The following ZNF707 variants were observed in gnomAD, a reference collection of about 807,000 sequenced individuals.
ZNF707 encodes the protein zinc finger protein 707.
ZNF707 carries 8 observed loss-of-function variants against 13.3 expected under a neutral mutation model. The ratio of observed to expected loss-of-function variants is 0.60; its 90% confidence interval spans 0.35 to 1.09. The LOEUF (loss-of-function observed/expected upper bound fraction) is 1.09. ZNF707 is among the 50% of genes least tolerant of loss of function. The pLI is 0.02. For synonymous variants in ZNF707, 225 were observed against 205.6 expected (o/e 1.09, Z -0.81); for missense variants, 530 against 512.6 (o/e 1.03, Z -0.33).
chr8:143,686,820 T>C (rs1368323204), intron 1 of ZNF707: 1 of 145,976 alleles, frequency 6.9e-6, no homozygotes, highest in South Asian at 2.2e-4. Context: ...TTTTTTTTTT[T>C]CTTAACTGCC....
rs1816059795 is a variant in ZNF707 at position 143,684,486 on chromosome 8, T to G, written c.-207T>G. On this transcript the variant is annotated 5_prime_UTR_variant, in exon 1 of 6. Coordinates refer to ENST00000358656, the MANE Select transcript of ZNF707 (RefSeq NM_001100598.2). ...CTTCCGCTCGGGAAGTTTGTAAAAG[T>G]CTGGGCTACCGGCGCGGCGTAGTGG... The G allele has an allele frequency of 6.6e-6, 1 of 151,878 alleles. No homozygotes were observed. Among genetic ancestry groups the G allele is most frequent in the Admixed American group, 6.6e-5 (1 of 15,250 alleles). The allele number at this position is 151,878 out of a possible 1,614,324, so 9.4% of individuals were successfully genotyped here. A position where few individuals can be genotyped will look rare whatever the true frequency, so the allele number is the denominator to read the frequency against.
chr8:143,692,326 C>G, intron 5 of ZNF707: 1 of 1,289,688 alleles, frequency 7.8e-7, no homozygotes, highest in South Asian at 1.2e-5. Context: ...GTGTCAGGTT[C>G]CTAGGTGTGT....
chr8:143,690,787 ACGCGTGTGC>A, intron 3 of ZNF707: 1 of 469,448 alleles, frequency 2.1e-6, no homozygotes, highest in South Asian at 3.5e-5. Flanking sequence ...TGCTGTGTTC[ACGCGTGTGC>A]GGGGAGGGAG....
chr8:143,691,802 G>A, intron 5 of ZNF707, 89 bp downstream of exon 5: 2 of 1,206,820 alleles, frequency 1.7e-6, no homozygotes, highest in Non-Finnish European at 2.3e-6. Flanking sequence ...GTGACCAAGG[G>A]TGTGTCCTTC....
intron 5 of ZNF707, chr8:143,691,918 G>T: frequency 8.7e-7 from 1 of 1,155,686 alleles, no homozygotes; most frequent in Non-Finnish European, 1.2e-6. Flanking sequence ...GGTGGGGCTC[G>T]AAAGGCATAG....
rs782592440 is a variant in ZNF707 at position 143,693,859 on chromosome 8, C to T, written c.445C>T (p.Pro149Ser). 1.2e-6 allele frequency: 2 copies of T among 1,610,410 alleles called. No homozygotes were observed. The highest frequency in any genetic ancestry group is 8.5e-7 in the Non-Finnish European group (1 of 1,178,598). ...GACAGACGCCAAGCCCACGGCTTTC[C>T]CGTGTCAGGTGCTCACGCAGCGTTG... ...ERTDAKPTAFPCQVLTQRCGR... is the reference protein window; with the variant it reads ...ERTDAKPTAFSCQVLTQRCGR... The change falls in exon 6 of 6, where the codon CCG becomes TCG. Residue 149 changes from proline to serine, a missense_variant. Coordinates refer to ENST00000358656, the MANE Select transcript of ZNF707 (RefSeq NM_001100598.2). The surrounding 1 kb of genome is among the most constrained non-coding windows in gnomAD (Gnocchi z 4.1).
intron 1 of ZNF707, among the ~76,000 whole-genome samples, chr8:143,685,665 C>T (rs560084734): frequency 2.6e-4 from 39 of 152,138 alleles, no homozygotes; most frequent in African/African-American, 8.9e-4. Flanking sequence ...CATAGTGAGA[C>T]CCCGTTTCTG....
chr8:143,687,916 G>A (rs1313408014), intron 1 of ZNF707: 1 of 151,574 alleles, frequency 6.6e-6, no homozygotes, highest in Non-Finnish European at 1.5e-5. Flanking sequence ...TGAGATAATA[G>A]CTGTTATATG....
At chr8:143,690,808 C>CG (rs756479012) in intron 3 of ZNF707, 25 of 502,848 alleles carry the variant, frequency 5.0e-5, no homozygotes, top group Non-Finnish European at 7.0e-5. Context: ...GGGAGGGAGC[C>CG]GGGGGGCTCT....
chr8:143,691,880 G>A (rs936478653), intron 5 of ZNF707, 167 bp downstream of exon 5: 5 of 959,260 alleles, frequency 5.2e-6, no homozygotes, highest in African/African-American at 1.6e-5. Flanking sequence ...GGGCAGCCAC[G>A]CTCCTGCCCT....
Position 143,694,305 on chromosome 8 carries a change from C to A in ZNF707, c.891C>A (p.Phe297Leu), listed in dbSNP as rs374421143. ...ACTGCGCGGACTGCGGCAAAGCCTT[C>A]CGGACCAAGGAGAACCTCAGCCACC... is the stretch of plus-strand genomic sequence containing the variant. The part of the protein sequence containing the change: ...PFYCADCGKA[F>L]RTKENLSHHQ... The change falls in exon 6 of 6, where the codon TTC (phenylalanine) becomes TTA (leucine). Residue 297 changes from phenylalanine to leucine, a missense_variant. Coordinates refer to ENST00000358656, the MANE Select transcript of ZNF707 (RefSeq NM_001100598.2). The surrounding 1 kb of genome is among the most constrained non-coding windows in gnomAD (Gnocchi z 4.4). 2 of 1,600,794 alleles carry A rather than the reference C, an allele frequency of 1.2e-6. No homozygotes were observed. The highest frequency in any genetic ancestry group is 1.3e-5 in the African/African-American group (1 of 74,572).
chr8:143,691,565 C>G lies in ZNF707; in HGVS notation c.143-35C>G, dbSNP rs374707674. ...CTCGACCCTCACTTTGTCCTCAGTA[C>G]AAGTAAAACAGAAACTTTTCTCTCC... On this transcript the variant is annotated intron_variant, in intron 4 of 5. Coordinates refer to ENST00000358656, the MANE Select transcript of ZNF707 (RefSeq NM_001100598.2). The G allele has an allele frequency of 6.4e-6, 10 of 1,561,644 alleles. No individual in the cohort carries two copies. The African/African-American group carries it at 1.1e-4, about 17-fold the overall frequency.
In ZNF707 at chr8:143,694,035, C is replaced by T. The variant is rs1817097939; in HGVS notation, c.621C>T (p.Pro207=). The change falls in exon 6 of 6, where the codon CCC becomes CCT. Residue 207 remains proline (P), a synonymous_variant. Transcript: ENST00000358656. This position sits in a 1 kb window ranked among gnomAD's most constrained non-coding sequence, Gnocchi z 4.4. Reference sequence around the variant, plus strand: ...CGGGAACCAAGGCCTTCGAGTGCCCCGAGTGCGGCCAGACCTTCCGGTGGG... The same window carrying T: ...CGGGAACCAAGGCCTTCGAGTGCCCTGAGTGCGGCCAGACCTTCCGGTGGG... The part of the protein sequence containing the change: ...VHTGTKAFEC[P]ECGQTFRWAS... 12 of 1,606,338 alleles carry T rather than the reference C, an allele frequency of 7.5e-6. No individual in the cohort carries two copies. Among genetic ancestry groups the T allele is most frequent in the Non-Finnish European group, 6.8e-6 (8 of 1,177,530 alleles).
Position 143,694,678 on chromosome 8 carries a change from A to G in ZNF707, c.*148A>G. On this transcript the variant is annotated 3_prime_UTR_variant, in exon 6 of 6. Coordinates refer to ENST00000358656, the MANE Select transcript of ZNF707 (RefSeq NM_001100598.2). This position sits in a 1 kb window ranked among gnomAD's most constrained non-coding sequence, Gnocchi z 4.4. ...CTCAGAGCTCCCCAGTCCCCCGAGA[A>G]GTTTACTGGGAAAACTGCCAGGTGG... 1.1e-6 allele frequency: 1 copy of G among 935,088 alleles called. No homozygotes were observed. The highest frequency in any genetic ancestry group is 1.5e-6 in the Non-Finnish European group (1 of 654,352). The allele number at this position is 935,088 out of a possible 1,614,324, so 57.9% of individuals were successfully genotyped here.
chr8:143,691,445 C>A, intron 4 of ZNF707, 155 bp from the exon 5 acceptor site: 1 of 1,031,932 alleles, frequency 9.7e-7, no homozygotes, highest in Non-Finnish European at 1.4e-6. Flanking sequence ...GTGTCCAGGC[C>A]CCTCCCTTCC....
chr8:143,684,678 C>T (rs1249718226), intron 1 of ZNF707, 136 bp downstream of exon 1: 1 of 152,382 alleles, frequency 6.6e-6, no homozygotes, highest in Non-Finnish European at 1.5e-5. Context: ...GCTGCCCGTG[C>T]CCTCGGCTAT....
In ZNF707 at chr8:143,693,783, C is replaced by T; in HGVS notation, c.369C>T (p.Gly123=). ...RAREGSSFRK[G]FRLDTDDGQL... Reference sequence around the variant, plus strand: ...GGGAAGGAAGCAGCTTTAGGAAGGGCTTCAGGCTGGACACGGATGACGGGC... The same window carrying T: ...GGGAAGGAAGCAGCTTTAGGAAGGGTTTCAGGCTGGACACGGATGACGGGC... The change falls in exon 6 of 6, where the codon GGC becomes GGT. Residue 123 remains glycine, a synonymous_variant. Transcript: ENST00000358656. The surrounding 1 kb of genome is among the most constrained non-coding windows in gnomAD (Gnocchi z 4.1). 6.2e-7 allele frequency: 1 copy of T among 1,613,076 alleles called. No individual in the cohort carries two copies. The highest frequency in any genetic ancestry group is 2.2e-5 in the East Asian group (1 of 44,878).
intron 1 of ZNF707, among the ~76,000 whole-genome samples, chr8:143,686,193 G>C (rs1205687018): frequency 6.6e-6 from 1 of 152,082 alleles, no homozygotes; most frequent in Non-Finnish European, 1.5e-5. Flanking sequence ...CGCCTCCCGG[G>C]TTCAAGCAGT....
At position 143,693,993 on chromosome 8, in the gene ZNF707, T is replaced by C; in HGVS notation, c.579T>C (p.Ala193=). ...TCAGCTGCCACAGCCGGCTGCTCGC[T>C]CACCAGACGGTGCACACGGGAACCA... ...KALSCHSRLL[A]HQTVHTGTKA... Residue 193 remains alanine, a synonymous_variant, in exon 6 of 6, where the codon GCT becomes GCC. Transcript: ENST00000358656. This position sits in a 1 kb window ranked among gnomAD's most constrained non-coding sequence, Gnocchi z 4.1. The C allele has an allele frequency of 6.2e-7, 1 of 1,603,828 alleles. No homozygotes were observed. Among genetic ancestry groups the C allele is most frequent in the Non-Finnish European group, 8.5e-7 (1 of 1,176,700 alleles).
Sources: gnomAD v4.1 joint callset for allele counts (sites outside exome capture counted in the v4.1 genomes callset) on GRCh38, gnomAD v4.1.1 for gene constraint, Gnocchi (gnomAD v3.1) non-coding constraint, MANE v1.5 for transcripts, NCBI Gene and HGNC (gene_info 2026-07-23, HGNC 2026-07-21) for gene names.